KIRREL3: variants seen among roughly 807,000 people sequenced by gnomAD.
The protein encoded by KIRREL3 is kin of IRRE-like protein 3.
A neutral mutation model predicts 89.7 loss-of-function variants in KIRREL3; 36 were observed. The ratio of observed to expected loss-of-function variants is 0.40; its 90% CI spans 0.31 to 0.53. The LOEUF (loss-of-function observed/expected upper bound fraction) is 0.53. KIRREL3 is among the 20% of genes least tolerant of loss of function. The probability of loss-of-function intolerance (pLI) is 0.49; values close to 1 mark genes in which losing one functional copy is unlikely to be tolerated. For missense variants in KIRREL3, 864 were observed against 1,056.6 expected (o/e 0.82, Z 2.53); for synonymous variants, 445 against 441.4 (o/e 1.01, Z -0.10).
chr11:126,464,456 G>A (rs751635744), intron 5 of KIRREL3, among the ~76,000 whole-genome samples: 7 of 152,160 alleles, frequency 4.6e-5, no homozygotes, highest in East Asian at 3.9e-4. Context: ...ACTTGATCCC[G>A]GAAGGTTGAG....
rs1352198180 is a variant in KIRREL3, at chr11:126,685,087, A to G, written c.56-122175T>C. Among the ~76,000 whole-genome samples, 1 of 152,186 alleles carries G rather than the reference A, an allele frequency of 6.6e-6. No individual in the cohort carries two copies. The highest frequency in any genetic ancestry group is 1.5e-5 in the Non-Finnish European group (1 of 68,032). On this transcript the variant is annotated intron_variant, in intron 1 of 16. Transcript: ENST00000525144. The surrounding 1 kb of genome is among the most constrained non-coding windows in gnomAD (Gnocchi z 5.5). Reference sequence around the variant, plus strand: ...GAAAGGCAGGTTGGAGGAAATACAAAGATGAAGGACATAGTCAATCTCTTC... The same window carrying G: ...GAAAGGCAGGTTGGAGGAAATACAAGGATGAAGGACATAGTCAATCTCTTC...
chr11:126,705,059 T>A lies in KIRREL3; in HGVS notation c.56-142147A>T, dbSNP rs1460333895. ...CTTACCCACTGAATATAGCTTTTTATGGCTCAAGACATAGGTTTGGTTTTC... is the reference window on the plus strand; with the variant it reads ...CTTACCCACTGAATATAGCTTTTTAAGGCTCAAGACATAGGTTTGGTTTTC... On this transcript the variant is annotated intron_variant, in intron 1 of 16. Transcript: ENST00000525144. The surrounding 1 kb of genome is among the most constrained non-coding windows in gnomAD (Gnocchi z 4.3). Among the ~76,000 whole-genome samples the A allele has an allele frequency of 6.6e-6, 1 of 152,246 alleles. No individual in the cohort carries two copies. The highest frequency in any genetic ancestry group is 6.5e-5 in the Admixed American group (1 of 15,278).
At chr11:126,852,666 A>G (rs966129237) in intron 1 of KIRREL3, among the ~76,000 whole-genome samples, 1 of 152,212 alleles carries the variant, frequency 6.6e-6, no homozygotes, top group Non-Finnish European at 1.5e-5. Flanking sequence ...CCAAATCCAT[A>G]TACAAATTTA....
At position 126,970,271 on chromosome 11, in the gene KIRREL3, T is replaced by C. The variant is rs1949394179; in HGVS notation, c.55+30184A>G. On this transcript the variant is annotated intron_variant, in intron 1 of 16. Coordinates refer to ENST00000525144, the MANE Select transcript of KIRREL3 (RefSeq NM_032531.4). This position sits in a 1 kb window ranked among gnomAD's most constrained non-coding sequence, Gnocchi z 4.4. ...TTGGTTTCCTTTTTGTTTTTCTTAATTTGAGCTTTCTCAGGAAGTTCTCTT... is the reference window on the plus strand; with the variant it reads ...TTGGTTTCCTTTTTGTTTTTCTTAACTTGAGCTTTCTCAGGAAGTTCTCTT... Among the ~76,000 whole-genome samples, 1 of 152,372 alleles carries C rather than the reference T, an allele frequency of 6.6e-6. No individual in the cohort carries two copies. Among genetic ancestry groups the C allele is most frequent in the East Asian group, 1.9e-4 (1 of 5,182 alleles).
intron 1 of KIRREL3, among the ~76,000 whole-genome samples, chr11:126,859,731 C>T (rs1944647814): frequency 6.6e-6 from 1 of 152,152 alleles, no homozygotes; most frequent in African/African-American, 2.4e-5. Context: ...AGGTTTCTTC[C>T]TCTTCTTCTT....
In KIRREL3 at chr11:126,428,282, T is replaced by A. The variant is rs1388726408; in HGVS notation, c.1806+897A>T. ...TTGCTCTGCTGCCTCCACTCCAACA[T>A]GTTACGACCGAGGCAACCAGAAACT... On this transcript the variant is annotated intron_variant, in intron 15 of 16. Coordinates refer to ENST00000525144, the MANE Select transcript of KIRREL3 (RefSeq NM_032531.4). The surrounding 1 kb of genome is among the most constrained non-coding windows in gnomAD (Gnocchi z 6.4). Among the ~76,000 whole-genome samples the A allele has an allele frequency of 6.6e-6, 1 of 152,158 alleles. No homozygotes were observed. Among genetic ancestry groups the A allele is most frequent in the African/African-American group, 2.4e-5 (1 of 41,442 alleles).
rs887403952 is a variant in KIRREL3 at position 126,897,101 on chromosome 11, C to A, written c.55+103354G>T. On this transcript the variant is annotated intron_variant, in intron 1 of 16. Transcript: ENST00000525144. The surrounding 1 kb of genome is among the most constrained non-coding windows in gnomAD (Gnocchi z 4.2). ...GTTATTAAAATACGAAAGATCATCT[C>A]ACGAATACGGGCTACAAACAACTCC... Among the ~76,000 whole-genome samples, 3 of 152,114 alleles carry A rather than the reference C, an allele frequency of 2.0e-5. No homozygotes were observed. The highest frequency in any genetic ancestry group is 4.4e-5 in the Non-Finnish European group (3 of 68,030).
chr11:126,582,517 GA>G (rs1179945676), intron 1 of KIRREL3, among the ~76,000 whole-genome samples: 4 of 152,202 alleles, frequency 2.6e-5, no homozygotes, highest in Admixed American at 6.5e-5. Context: ...GATTTCGGCA[GA>G]TGCAAAAATC....
rs528088505 is a variant in KIRREL3, at chr11:126,568,701, C to T, written c.56-5789G>A. ...CTCATTTATAAAACGTTGATTCTAA[C>T]GGTAAGACCCTCCTCACATGATTCA... On this transcript the variant is annotated intron_variant, in intron 1 of 16. Coordinates refer to ENST00000525144, the MANE Select transcript of KIRREL3 (RefSeq NM_032531.4). This position sits in a 1 kb window ranked among gnomAD's most constrained non-coding sequence, Gnocchi z 4.6. 4.6e-5 allele frequency among the ~76,000 whole-genome samples: 7 copies of T among 152,182 alleles called. No homozygotes were observed. The highest frequency in any genetic ancestry group is 2.6e-4 in the Admixed American group (4 of 15,282).
At chr11:126,806,879 G>A (rs1951221366) in intron 1 of KIRREL3, among the ~76,000 whole-genome samples, 1 of 150,884 alleles carries the variant, frequency 6.6e-6, no homozygotes. Context: ...TTACCTCTCT[G>A]TGTCCATGTA....
In KIRREL3 at chr11:126,912,750, C is replaced by A. The variant is rs765231880; in HGVS notation, c.55+87705G>T. Among the ~76,000 whole-genome samples, 9 of 152,218 alleles carry A rather than the reference C, an allele frequency of 5.9e-5. No individual in the cohort carries two copies. The highest frequency in any genetic ancestry group is 9.7e-5 in the African/African-American group (4 of 41,450). On this transcript the variant is annotated intron_variant, in intron 1 of 16. Transcript: ENST00000525144. The surrounding 1 kb of genome is among the most constrained non-coding windows in gnomAD (Gnocchi z 4.7). ...GCATCCTGCTGTATCAGCCTAATTACCAGCCTCTCCTTCCATTCCTGCTGG... is the reference window on the plus strand; with the variant it reads ...GCATCCTGCTGTATCAGCCTAATTAACAGCCTCTCCTTCCATTCCTGCTGG...
rs552581918 is a variant in KIRREL3, at chr11:126,870,252, A to C, written c.55+130203T>G. ...CATATTCTGCCAGGGACCACACTGA[A>C]CACCCTCCTCAAGATGCCAGGGCTG... is the stretch of plus-strand genomic sequence containing the variant. On this transcript the variant is annotated intron_variant, in intron 1 of 16. Transcript: ENST00000525144. This position sits in a 1 kb window ranked among gnomAD's most constrained non-coding sequence, Gnocchi z 4.4. Among the ~76,000 whole-genome samples the C allele has an allele frequency of 6.6e-6, 1 of 152,276 alleles. No homozygotes were observed. The highest frequency in any genetic ancestry group is 2.4e-5 in the African/African-American group (1 of 41,564).
rs1440902335 is a variant in KIRREL3, at chr11:126,782,311, T to G, written c.55+218144A>C. 6.6e-6 allele frequency among the ~76,000 whole-genome samples: 1 copy of G among 152,242 alleles called. No individual in the cohort carries two copies. The highest frequency in any genetic ancestry group is 1.5e-5 in the Non-Finnish European group (1 of 68,042). ...GGAATAATGCTTTGTTGTGCTAAGCTGAGATTTTTTGATGTTTATTTGTTC... is the reference window on the plus strand; with the variant it reads ...GGAATAATGCTTTGTTGTGCTAAGCGGAGATTTTTTGATGTTTATTTGTTC... On this transcript the variant is annotated intron_variant, in intron 1 of 16. Coordinates refer to ENST00000525144, the MANE Select transcript of KIRREL3 (RefSeq NM_032531.4). The surrounding 1 kb of genome is among the most constrained non-coding windows in gnomAD (Gnocchi z 4.1).
chr11:126,471,700 T>C lies in KIRREL3; in HGVS notation c.591+1609A>G, dbSNP rs1956896937. Among the ~76,000 whole-genome samples, 1 of 151,698 alleles carries C rather than the reference T, an allele frequency of 6.6e-6. No individual in the cohort carries two copies. The highest frequency in any genetic ancestry group is 1.5e-5 in the Non-Finnish European group (1 of 67,858). ...TAATGTCCTGGACTATGGAGCCTGA[T>C]GAAAAAAGGCTGTGGGGGCCTGGGC... On this transcript the variant is annotated intron_variant, in intron 5 of 16. Coordinates refer to ENST00000525144, the MANE Select transcript of KIRREL3 (RefSeq NM_032531.4). The surrounding 1 kb of genome is among the most constrained non-coding windows in gnomAD (Gnocchi z 5.4).
At chr11:126,674,112 G>A (rs188662946) in intron 1 of KIRREL3, among the ~76,000 whole-genome samples, 8 of 152,188 alleles carry the variant, frequency 5.3e-5, no homozygotes, top group African/African-American at 1.2e-4. Flanking sequence ...TAGAATCTCC[G>A]TTGGAAACCA....
At position 126,609,615 on chromosome 11, in the gene KIRREL3, C is replaced by A. The variant is rs549071917; in HGVS notation, c.56-46703G>T. Among the ~76,000 whole-genome samples, 2 of 152,170 alleles carry A rather than the reference C, an allele frequency of 1.3e-5. No individual in the cohort carries two copies. Among genetic ancestry groups the A allele is most frequent in the Non-Finnish European group, 2.9e-5 (2 of 68,042 alleles). Reference sequence around the variant, plus strand: ...TCTGGGGGGACCTCCGATGCATGCTCACTTGTATAAAATCTAACTGGAACT... The same window carrying A: ...TCTGGGGGGACCTCCGATGCATGCTAACTTGTATAAAATCTAACTGGAACT... On this transcript the variant is annotated intron_variant, in intron 1 of 16. Coordinates refer to ENST00000525144, the MANE Select transcript of KIRREL3 (RefSeq NM_032531.4). This position sits in a 1 kb window ranked among gnomAD's most constrained non-coding sequence, Gnocchi z 5.0.
At chr11:126,626,803 G>C (rs1943805591) in intron 1 of KIRREL3, among the ~76,000 whole-genome samples, 1 of 152,100 alleles carries the variant, frequency 6.6e-6, no homozygotes. Flanking sequence ...GACCAGCCTT[G>C]GCCAACATGG....
At chr11:126,836,206 A>T (rs970778377) in intron 1 of KIRREL3, among the ~76,000 whole-genome samples, 1 of 152,224 alleles carries the variant, frequency 6.6e-6, no homozygotes, top group African/African-American at 2.4e-5. Flanking sequence ...GAAACCTGAC[A>T]GTGGCTTGGG....
chr11:126,718,405 G>T (rs577145775), intron 1 of KIRREL3, among the ~76,000 whole-genome samples: 1 of 152,338 alleles, frequency 6.6e-6, no homozygotes, highest in South Asian at 2.1e-4. Context: ...ATAGAAAGAT[G>T]ACTCACCAAA....
Sources: allele counts gnomAD v4.1 joint callset (sites outside exome capture counted in the v4.1 genomes callset), GRCh38; gene constraint gnomAD v4.1.1; non-coding constraint Gnocchi (gnomAD v3.1); transcripts MANE v1.5; gene names NCBI Gene and HGNC (gene_info 2026-07-23, HGNC 2026-07-21).